Variants in TTK observed in about 807,000 individuals in gnomAD.
TTK encodes TTK protein kinase.
A neutral mutation model predicts 117.3 loss-of-function variants in TTK; 59 were observed. The observed-to-expected ratio is 0.50, with a 90% CI of 0.41 to 0.62. The LOEUF (loss-of-function observed/expected upper bound fraction) is 0.62. Ranked by LOEUF, TTK falls within the 20% of genes least tolerant of loss-of-function variation. The probability of loss-of-function intolerance (pLI) is 0.00; values close to 1 mark genes in which losing one functional copy is unlikely to be tolerated. For missense variants in TTK, 921 were observed against 989.4 expected, an observed-to-expected ratio of 0.93 and a Z score of 0.93; for synonymous variants, 302 against 325.0, an observed-to-expected ratio of 0.93 and a Z score of 0.76.
At chr6:80,027,846 T>C in intron 12 of TTK, 39 bp from the exon 13 acceptor site, 1 of 1,406,138 alleles carries the variant, frequency 7.1e-7, no homozygotes, top group Non-Finnish European at 9.6e-7. Flanking sequence ...ATTTGTTAAA[T>C]TGTAATGTTT....
chr6:80,031,732 C>T (rs1767765732), intron 14 of TTK, among the ~76,000 whole-genome samples, 173 bp downstream of exon 14: 1 of 152,118 alleles, frequency 6.6e-6, no homozygotes, highest in Non-Finnish European at 1.5e-5. Context: ...TCACATGTGA[C>T]ATATCCTCTT....
At chr6:80,013,128 A>C in intron 8 of TTK, 151 bp from the exon 9 acceptor site, 1 of 639,178 alleles carries the variant, frequency 1.6e-6, no homozygotes, top group Non-Finnish European at 2.7e-6. Flanking sequence ...TTTGTATTGG[A>C]ATTATGTCAC....
intron 10 of TTK, 34 bp from the exon 11 acceptor site, chr6:80,022,290 T>G (rs1355891862): frequency 6.3e-7 from 1 of 1,597,640 alleles, no homozygotes; most frequent in Non-Finnish European, 8.5e-7. Context: ...GATCAAATAT[T>G]CTTGCTTTTT....
Position 80,026,402 on chromosome 6 carries a change from C to A in TTK, c.1282C>A (p.Pro428Thr), listed in dbSNP as rs976509206. 3 of 1,612,838 alleles carry A rather than the reference C, an allele frequency of 1.9e-6. No individual in the cohort carries two copies. The highest frequency in any genetic ancestry group is 2.5e-6 in the Non-Finnish European group (3 of 1,179,574). The change falls in exon 12 of 22, where the codon CCT becomes ACT. Residue 428 changes from proline (P) to threonine (T), a missense_variant. Pro to Thr is a conservative substitution (Grantham distance 38). Transcript: ENST00000369798. Reference protein sequence around the residue: ...TEQKHTTFEQPVFSVSKQSPP... With the variant: ...TEQKHTTFEQTVFSVSKQSPP... ...GCAGAAACATACCACTTTTGAGCAA[C>A]CTGTCTTTTCAGTTTCAAAACAGTC...
intron 19 of TTK, 105 bp from the exon 20 acceptor site, chr6:80,040,091 T>C: frequency 1.9e-6 from 2 of 1,062,580 alleles, no homozygotes; most frequent in Non-Finnish European, 2.6e-6. Flanking sequence ...GTGGGATATC[T>C]AAAAAGTAAC....
At position 80,014,084 on chromosome 6, in the gene TTK, A is replaced by G. The variant is rs1236584666; in HGVS notation, c.985-379A>G. Among the ~76,000 whole-genome samples, 4 of 152,170 alleles carry G rather than the reference A, an allele frequency of 2.6e-5. No individual in the cohort carries two copies. In the East Asian group the frequency reaches 5.8e-4, roughly 22 times the overall value. On this transcript the variant is annotated intron_variant, in intron 9 of 21. Transcript: ENST00000369798. Reference sequence around the variant, plus strand: ...TACTCTCTTAAGTTATGCAGTTACTAGTTTTGACTTATTTTTGGTGATAAA... The same window carrying G: ...TACTCTCTTAAGTTATGCAGTTACTGGTTTTGACTTATTTTTGGTGATAAA...
intron 11 of TTK, among the ~76,000 whole-genome samples, chr6:80,023,382 A>G (rs903307081): frequency 6.6e-6 from 1 of 152,216 alleles, no homozygotes; most frequent in Admixed American, 6.5e-5. Context: ...TCACGAGGTC[A>G]GGAGATCGAG....
chr6:80,008,693 G>T (rs958508518), intron 4 of TTK, among the ~76,000 whole-genome samples: 3 of 152,098 alleles, frequency 2.0e-5, no homozygotes, highest in Non-Finnish European at 4.4e-5. Context: ...TGTATAAAGA[G>T]TAATCCAGGG....
chr6:80,024,707 CA>C (rs1178254621), intron 11 of TTK, among the ~76,000 whole-genome samples: 1 of 152,078 alleles, frequency 6.6e-6, no homozygotes, highest in Non-Finnish European at 1.5e-5. Flanking sequence ...AACCACTGAG[CA>C]ACTAAAAACC....
At position 80,010,962 on chromosome 6, in the gene TTK, C is replaced by T; in HGVS notation, c.613+5C>T. On this transcript the variant is annotated splice_donor_5th_base_variant and intron_variant, in intron 5 of 21. Coordinates refer to ENST00000369798, the MANE Select transcript of TTK (RefSeq NM_003318.5). ...AGGAAAAGAAGAATTTATCAGGTAA[C>T]TATTAAGGTATACTAATACTTTCTG... The T allele has an allele frequency of 6.2e-7, 1 of 1,610,406 alleles. No homozygotes were observed. The highest frequency in any genetic ancestry group is 8.5e-7 in the Non-Finnish European group (1 of 1,177,738).
intron 13 of TTK, among the ~76,000 whole-genome samples, chr6:80,029,621 C>T (rs540128642): frequency 1.3e-5 from 2 of 152,270 alleles, no homozygotes; most frequent in African/African-American, 4.8e-5. Flanking sequence ...GAAACGAGGC[C>T]ACAGTGTGGC....
Position 80,010,873 on chromosome 6 carries a change from C to G in TTK, c.529C>G (p.Leu177Val). Residue 177 changes from leucine (L) to valine (V), a missense_variant, in exon 5 of 22, where the codon CTA becomes GTA. Transcript: ENST00000369798. ...QKAVERGAVP[L>V]EMLEIALRNL... ...AGCTGTAGAACGTGGAGCAGTACCA[C>G]TAGAAATGCTGGAAATTGCCCTGCG... 1 of 1,612,240 alleles carries G rather than the reference C, an allele frequency of 6.2e-7. No homozygotes were observed.
Position 80,011,525 on chromosome 6 carries a change from T to A in TTK, c.705T>A (p.Thr235=), listed in dbSNP as rs779478498. The change falls in exon 6 of 22, where the codon ACT becomes ACA. Residue 235 remains threonine (T), a synonymous_variant. Transcript: ENST00000369798. The part of the protein sequence containing the change: ...RNNSCDSRGQ[T]TKARFLYGEN... ...ACAGTTGTGATTCCAGAGGACAGAC[T>A]ACTAAAGCCAGGTTTTTATATGGGT... The A allele has an allele frequency of 2.5e-6, 4 of 1,603,588 alleles. No individual in the cohort carries two copies. The highest frequency in any genetic ancestry group is 3.4e-6 in the Non-Finnish European group (4 of 1,176,854).
rs61735783 is a variant in TTK, at chr6:80,014,544, C to G, written c.1066C>G (p.Leu356Val). ...SELIITDSIT[L>V]KNKTESSLLA... is the part of the protein sequence containing the mutation. ...ACTTATTATTACTGATTCAATAACC[C>G]TGAAGAATAAAACGGAATCAAGTCT... The change falls in exon 10 of 22, where the codon CTG (leucine) becomes GTG (valine). Residue 356 changes from leucine (L) to valine (V), a missense_variant. Coordinates refer to ENST00000369798, the MANE Select transcript of TTK (RefSeq NM_003318.5). 801 of 1,605,282 alleles carry G rather than the reference C, an allele frequency of 5.0e-4. 2 individuals are homozygous for G. In the African/African-American group the frequency reaches 9.0e-3, roughly 18 times the overall value.
rs892980623 is a variant in TTK, at chr6:80,030,082, A to G, written c.1522-1385A>G. On this transcript the variant is annotated intron_variant, in intron 13 of 21. Transcript: ENST00000369798. ...GTATCTCAATCCTAGAGGTGAAAAA[A>G]TTAGAATACTTATCTTTTTATTTAA... is the stretch of plus-strand genomic sequence containing the variant. Among the ~76,000 whole-genome samples the G allele has an allele frequency of 2.0e-5, 3 of 152,238 alleles. No individual in the cohort carries two copies. In the East Asian group the frequency reaches 5.8e-4, roughly 29 times the overall value.
intron 3 of TTK, 59 bp from the exon 4 acceptor site, chr6:80,008,327 A>G (rs1767050503): frequency 3.3e-6 from 5 of 1,514,518 alleles, no homozygotes; most frequent in Non-Finnish European, 4.5e-6. Context: ...ATGAAGCATT[A>G]TCAAATTTAA....
At chr6:80,036,438 G>A (rs760645369) in intron 16 of TTK, 37 bp from the exon 17 acceptor site, 6 of 1,563,950 alleles carry the variant, frequency 3.8e-6, no homozygotes, top group African/African-American at 2.7e-5. Flanking sequence ...AGAATGTTTT[G>A]CATTGTTTAA....
chr6:80,022,863 A>T (rs1767499644), intron 11 of TTK, among the ~76,000 whole-genome samples: 1 of 152,170 alleles, frequency 6.6e-6, no homozygotes, highest in South Asian at 2.1e-4. Context: ...CAAAGTTTAA[A>T]ATGTTTACTA....
rs1444833028 is a variant in TTK at position 80,040,619 on chromosome 6, C to T, written c.2406C>T (p.Ala802=). The change falls in exon 21 of 22, where the codon GCC becomes GCT. Residue 802 remains alanine (A), a synonymous_variant. Transcript: ENST00000369798. ...TTTATTTTATAGTTAACCAAATGGC[C>T]AAGGGAACCACTGAAGAAATGAAAT... is the stretch of plus-strand genomic sequence containing the variant. The part of the protein sequence containing the change: ...QIQTHPVNQM[A]KGTTEEMKYV... The T allele has an allele frequency of 1.2e-6, 2 of 1,611,264 alleles. No individual in the cohort carries two copies. Among genetic ancestry groups the T allele is most frequent in the African/African-American group, 2.7e-5 (2 of 74,768 alleles).
Sources: allele counts gnomAD v4.1 joint callset (sites outside exome capture counted in the v4.1 genomes callset), GRCh38; gene constraint gnomAD v4.1.1; transcripts MANE v1.5; gene names NCBI Gene and HGNC (gene_info 2026-07-23, HGNC 2026-07-21).